The following SLC35D2 variants were observed in gnomAD, a reference collection of about 807,000 sequenced individuals.
SLC35D2 encodes the protein solute carrier family 35 member D2.
In SLC35D2, 43 loss-of-function variants were observed where a neutral mutation model predicts 41.8. The observed-to-expected ratio is 1.03, with a 90% CI of 0.81 to 1.33. The LOEUF is 1.33. Among genes scored for constraint, SLC35D2 ranks in the 40% most tolerant of loss-of-function variants. The pLI is 0.00. For synonymous variants in SLC35D2, 150 were observed against 163.9 expected (o/e 0.92, Z 0.65); for missense variants, 380 against 408.4 (o/e 0.93, Z 0.60).
In SLC35D2 at chr9:96,357,834, T is replaced by C. The variant is rs144004916; in HGVS notation, c.347+2320A>G. ...CAGGCAGACTGCTTGAGCTCAGGAG[T>C]TCAAGATCAGCCTGGGCAACATGGT... On this transcript the variant is annotated intron_variant, in intron 4 of 11. Coordinates refer to ENST00000253270, the MANE Select transcript of SLC35D2 (RefSeq NM_007001.3). Among the ~76,000 whole-genome samples, 844 of 149,314 alleles carry C rather than the reference T, an allele frequency of 5.7e-3. 9 individuals carry two copies. Among genetic ancestry groups the C allele is most frequent in the African/African-American group, 0.019 (771 of 40,524 alleles).
intron 6 of SLC35D2, among the ~76,000 whole-genome samples, chr9:96,349,190 G>C (rs1564106303): frequency 6.6e-6 from 1 of 152,148 alleles, no homozygotes; most frequent in Admixed American, 6.5e-5. Context: ...GAACACACTT[G>C]CTTTCCATCC....
At chr9:96,324,549 C>CTTTTTTTTTTGTTTTTTTTTTTT (rs1828421440) in intron 9 of SLC35D2, among the ~76,000 whole-genome samples, 1 of 117,780 alleles carries the variant, frequency 8.5e-6, no homozygotes, top group South Asian at 3.2e-4. Flanking sequence ...GCCTGCTGCA[C>CTTTTTTTTTTGTTTTTTTTTTTT]TTTTTTTTTT....
At chr9:96,353,210 G>A (rs1324231366) in intron 4 of SLC35D2, among the ~76,000 whole-genome samples, 1 of 151,940 alleles carries the variant, frequency 6.6e-6, no homozygotes, top group Non-Finnish European at 1.5e-5. Flanking sequence ...TCAGTTGAGG[G>A]AACATGATAC....
At chr9:96,355,348 G>A (rs1266114667) in intron 4 of SLC35D2, among the ~76,000 whole-genome samples, 1 of 151,676 alleles carries the variant, frequency 6.6e-6, no homozygotes, top group African/African-American at 2.4e-5. Flanking sequence ...TAAATTCACA[G>A]TAGTGAATGT....
At chr9:96,363,015 C>T (rs749419205) in intron 3 of SLC35D2, among the ~76,000 whole-genome samples, 24 of 151,788 alleles carry the variant, frequency 1.6e-4, no homozygotes, top group Non-Finnish European at 2.1e-4. Context: ...TACAGGTGTG[C>T]GCCACCACGC....
chr9:96,339,515 AAAT>A (rs2130891493), intron 8 of SLC35D2, among the ~76,000 whole-genome samples: 1 of 152,356 alleles, frequency 6.6e-6, no homozygotes, highest in African/African-American at 2.4e-5. Flanking sequence ...AAATCATAAA[AAAT>A]AATGTAGCAT....
chr9:96,373,149 C>CT (rs1830783573), intron 1 of SLC35D2, among the ~76,000 whole-genome samples: 1 of 152,138 alleles, frequency 6.6e-6, no homozygotes, highest in Non-Finnish European at 1.5e-5. Context: ...ATCCACCCGC[C>CT]TTGGCCTGCC....
intron 9 of SLC35D2, 152 bp downstream of exon 9, chr9:96,336,565 G>T: frequency 1.7e-6 from 1 of 586,334 alleles, no homozygotes; most frequent in Non-Finnish European, 3.1e-6. Context: ...GGTATCCTGG[G>T]TCCCTGACAC....
rs1442467129 is a variant in SLC35D2, at chr9:96,383,565, G to GC, written c.69dup (p.Arg24AlafsTer62). 1 of 1,490,524 alleles carries GC rather than the reference G, an allele frequency of 6.7e-7. No individual in the cohort carries two copies. Among genetic ancestry groups the GC allele is most frequent in the African/African-American group, 1.5e-5 (1 of 68,208 alleles). The allele number at this position is 1,490,524 out of a possible 1,614,324, so 92.3% of individuals were successfully genotyped here. ...AGCGCCGACAGCAGCCGGGCCACCC[G>GC]CGAGGGCAGCCGCGCCGCGCCGGGC... On this transcript the variant is annotated frameshift_variant, in exon 1 of 12. Coordinates refer to ENST00000253270, the MANE Select transcript of SLC35D2 (RefSeq NM_007001.3). LOFTEE classifies it high-confidence loss of function.
chr9:96,375,591 A>G (rs1169353525), intron 1 of SLC35D2, among the ~76,000 whole-genome samples: 1 of 151,752 alleles, frequency 6.6e-6, no homozygotes, highest in East Asian at 1.9e-4. Flanking sequence ...AAAAAAAAAA[A>G]GGTATTGATT....
intron 6 of SLC35D2, among the ~76,000 whole-genome samples, chr9:96,350,304 G>A (rs1300046545): frequency 6.7e-6 from 1 of 148,230 alleles, no homozygotes; most frequent in Non-Finnish European, 1.5e-5. Flanking sequence ...CTGAGTAGCT[G>A]AGACTCCAGG....
At chr9:96,352,551 A>G (rs1294757802) in intron 4 of SLC35D2, among the ~76,000 whole-genome samples, 1 of 151,922 alleles carries the variant, frequency 6.6e-6, no homozygotes, top group Non-Finnish European at 1.5e-5. Flanking sequence ...CAAACACCTG[A>G]CCTAAGGTAA....
rs145290742 is a variant in SLC35D2 at position 96,324,116 on chromosome 9, G to T, written c.806C>A (p.Thr269Lys). ...CTTGATGGCTCCAACCACTGCTGTC[G>T]TCAGGGCTGAATTGTAATAGCTGCA... The part of the protein sequence containing the change: ...VLCSYYNSAL[T>K]TAVVGAIKNV... Residue 269 changes from threonine to lysine, a missense_variant, in exon 10 of 12, where the codon ACG becomes AAG. Physicochemically the swap from Thr to Lys is moderately conservative, Grantham distance 78 (BLOSUM62 -1). Coordinates refer to ENST00000253270, the MANE Select transcript of SLC35D2 (RefSeq NM_007001.3). The T allele has an allele frequency of 5.0e-6, 8 of 1,613,716 alleles. No homozygotes were observed. Among genetic ancestry groups the T allele is most frequent in the Non-Finnish European group, 6.8e-6 (8 of 1,179,878 alleles).
intron 4 of SLC35D2, among the ~76,000 whole-genome samples, chr9:96,356,470 T>C (rs1830031128): frequency 6.7e-6 from 1 of 149,554 alleles, no homozygotes; most frequent in South Asian, 2.1e-4. Context: ...ATCAAAACTA[T>C]CTTGAAAAAG....
intron 8 of SLC35D2, among the ~76,000 whole-genome samples, chr9:96,338,329 G>A (rs1829147028): frequency 6.6e-6 from 1 of 152,144 alleles, no homozygotes; most frequent in Non-Finnish European, 1.5e-5. Context: ...GTACCATCTT[G>A]TCACATTTCA....
chr9:96,339,989 A>G (rs1175830040), intron 8 of SLC35D2, among the ~76,000 whole-genome samples: 1 of 152,252 alleles, frequency 6.6e-6, no homozygotes, highest in Non-Finnish European at 1.5e-5. Flanking sequence ...CATTAACAAG[A>G]GAAGTTAACA....
At chr9:96,375,434 T>G (rs913284102) in intron 1 of SLC35D2, among the ~76,000 whole-genome samples, 1 of 148,712 alleles carries the variant, frequency 6.7e-6, no homozygotes, top group African/African-American at 2.5e-5. Context: ...AAAAATTAGC[T>G]GGGCATGGTG....
In SLC35D2 at chr9:96,383,693, C is replaced by T; in HGVS notation, c.-59G>A. ...GCCCCGGCTGCGCACTGGTCCCGCC[C>T]GGCCGGGCCGGGGAAGAGGGCGCGG... On this transcript the variant is annotated 5_prime_UTR_variant, in exon 1 of 12. Transcript: ENST00000253270. 9 of 963,752 alleles carry T rather than the reference C, an allele frequency of 9.3e-6. No homozygotes were observed. The highest frequency in any genetic ancestry group is 1.1e-5 in the Non-Finnish European group (9 of 808,596). The allele number at this position is 963,752 out of a possible 1,614,324, so 59.7% of individuals were successfully genotyped here. A position where few individuals can be genotyped will look rare whatever the true frequency, so the allele number is the denominator to read the frequency against.
At chr9:96,334,936 C>T (rs1828983652) in intron 9 of SLC35D2, among the ~76,000 whole-genome samples, 2 of 152,298 alleles carry the variant, frequency 1.3e-5, no homozygotes, top group South Asian at 4.1e-4. Flanking sequence ...AAATCAAAAA[C>T]TCCATCAACA....
Sources: gnomAD v4.1 joint callset for allele counts (sites outside exome capture counted in the v4.1 genomes callset) on GRCh38, gnomAD v4.1.1 for gene constraint, MANE v1.5 for transcripts, NCBI Gene and HGNC (gene_info 2026-07-23, HGNC 2026-07-21) for gene names.